The following CEP63 variants were observed in gnomAD, a reference collection of about 807,000 sequenced individuals.
CEP63 encodes the protein centrosomal protein 63, also known as centrosomal protein of 63 kDa.
In CEP63, 84 loss-of-function variants were observed where a neutral mutation model predicts 89.1. That is an observed-to-expected ratio of 0.94 (90% CI 0.79 to 1.13). The LOEUF (loss-of-function observed/expected upper bound fraction) is 1.13, where lower values mean the gene tolerates loss of function less well. Among genes scored for constraint, CEP63 ranks in the 50% most tolerant of loss-of-function variants. The pLI, the probability that CEP63 is intolerant of heterozygous loss-of-function variation, is 0.00. For synonymous variants in CEP63, 267 were observed against 272.5 expected (o/e 0.98, Z 0.20); for missense variants, 838 against 813.3 (o/e 1.03, Z -0.37).
chr3:134,606,280 G>A, the CEP63 span, among the ~76,000 whole-genome samples: 1 of 152,090 alleles, frequency 6.6e-6, no homozygotes, highest in Non-Finnish European at 1.5e-5. Flanking sequence ...CTTTGAAAAC[G>A]TCCACCTGGC....
the CEP63 span, among the ~76,000 whole-genome samples, chr3:134,602,581 G>A: frequency 2.6e-5 from 4 of 152,272 alleles, no homozygotes; most frequent in Admixed American, 6.5e-5. Context: ...CGGCATTGCC[G>A]CACTGCACTA....
intron 1 of CEP63, among the ~76,000 whole-genome samples, chr3:134,489,733 G>C (rs1045965121): frequency 4.6e-5 from 7 of 152,102 alleles, no homozygotes; most frequent in Non-Finnish European, 8.8e-5. Context: ...TACAGGAAAG[G>C]CAAGAAAAAT....
chr3:134,524,355 T>C (rs1948182459), intron 3 of CEP63, among the ~76,000 whole-genome samples: 1 of 152,232 alleles, frequency 6.6e-6, no homozygotes, highest in Non-Finnish European at 1.5e-5. Context: ...ACTTCCTCTC[T>C]TCCTATTTGG....
the CEP63 span, among the ~76,000 whole-genome samples, chr3:134,767,101 C>G: frequency 6.6e-6 from 1 of 152,192 alleles, no homozygotes; most frequent in Non-Finnish European, 1.5e-5. Flanking sequence ...TTGGCTTCAT[C>G]TTGCTACCTG....
At chr3:134,486,637 C>T (rs1005724079) in intron 1 of CEP63, 9 of 748,722 alleles carry the variant, frequency 1.2e-5, no homozygotes, top group Non-Finnish European at 1.3e-5. Flanking sequence ...CCAGTGCGGC[C>T]TCCCTGCCAG....
At position 134,537,139 on chromosome 3, in the gene CEP63, C is replaced by G. The variant is rs765578373; in HGVS notation, c.442-16C>G. On this transcript the variant is annotated splice_polypyrimidine_tract_variant and intron_variant, in intron 5 of 14. Coordinates refer to ENST00000675561, the MANE Select transcript of CEP63 (RefSeq NM_001353108.3). ...GAGAAGCACTCAGAAATTAAGTACT[C>G]TAATTGCCTCCTCAGGAATTCCGTC... is the stretch of plus-strand genomic sequence containing the variant. 7 of 1,532,890 alleles carry G rather than the reference C, an allele frequency of 4.6e-6. No individual in the cohort carries two copies. The highest frequency in any genetic ancestry group is 4.5e-5 in the South Asian group (4 of 89,316). 95.0% of individuals were successfully genotyped at this position (1,532,890 alleles called of 1,614,324 possible). A position where few individuals can be genotyped will look rare whatever the true frequency, so the allele number is the denominator to read the frequency against.
At chr3:134,741,458 C>T in the CEP63 span, among the ~76,000 whole-genome samples, 2 of 152,142 alleles carry the variant, frequency 1.3e-5, no homozygotes, top group Non-Finnish European at 1.5e-5. Flanking sequence ...CCCTCACACA[C>T]CTGTGCACAG....
At chr3:134,608,478 G>A in the CEP63 span, 1 of 1,535,548 alleles carries the variant, frequency 6.5e-7, no homozygotes. Flanking sequence ...GGCCTGGGCT[G>A]CCTCAGCAGC....
rs377529686 is a variant in CEP63 at position 134,561,952 on chromosome 3, C to T, written c.*417C>T. ...ATTTAGGGGTCAAACATACCTGGAT[C>T]GATAGACTGGTTTTGCCACTTACCA... On this transcript the variant is annotated 3_prime_UTR_variant, in exon 15 of 15. Coordinates refer to ENST00000675561, the MANE Select transcript of CEP63 (RefSeq NM_001353108.3). 269 of 1,019,892 alleles carry T rather than the reference C, an allele frequency of 2.6e-4. 1 individual carries two copies. The African/African-American group carries it at 4.4e-3, about 17-fold the overall frequency. 63.2% of individuals were successfully genotyped at this position (1,019,892 alleles called of 1,614,324 possible).
the CEP63 span, among the ~76,000 whole-genome samples, chr3:134,682,652 C>G: frequency 6.6e-6 from 1 of 152,182 alleles, no homozygotes; most frequent in African/African-American, 2.4e-5. Flanking sequence ...AACCATTCAG[C>G]CTGCATTGAG....
chr3:134,504,241 A>G (rs1337610919), intron 2 of CEP63, among the ~76,000 whole-genome samples: 1 of 106,342 alleles, frequency 9.4e-6, no homozygotes, highest in Non-Finnish European at 2.1e-5. Flanking sequence ...CTCATGATGT[A>G]GGAATCCCAT....
downstream of CEP63, among the ~76,000 whole-genome samples, chr3:134,567,119 C>T (rs1957800545): frequency 6.8e-6 from 1 of 146,736 alleles, no homozygotes; most frequent in Admixed American, 6.9e-5. Context: ...ACTGATGCCA[C>T]AGCATGGATG....
the CEP63 span, among the ~76,000 whole-genome samples, chr3:134,634,488 T>G: frequency 6.6e-6 from 1 of 152,062 alleles, no homozygotes. Context: ...ACAATTCAGT[T>G]GGAAAAAGGG....
chr3:134,675,303 C>T, the CEP63 span, among the ~76,000 whole-genome samples: 5 of 152,174 alleles, frequency 3.3e-5, no homozygotes, highest in African/African-American at 4.8e-5. Context: ...TTTCAACAGA[C>T]GATTCTGAGA....
At chr3:134,644,577 T>G in the CEP63 span, among the ~76,000 whole-genome samples, 1 of 152,230 alleles carries the variant, frequency 6.6e-6, no homozygotes, top group South Asian at 2.1e-4. Context: ...AGCTTCCTGC[T>G]GGCTTGCAGT....
At chr3:134,565,935 G>A (rs1957739959), downstream of CEP63, among the ~76,000 whole-genome samples, 1 of 152,174 alleles carries the variant, frequency 6.6e-6, no homozygotes, top group Non-Finnish European at 1.5e-5. Context: ...ATGCTTCACT[G>A]TGGGTTGATG....
At chr3:134,712,940 T>G in the CEP63 span, among the ~76,000 whole-genome samples, 1 of 152,234 alleles carries the variant, frequency 6.6e-6, no homozygotes, top group East Asian at 1.9e-4. Context: ...ACTGGTTCCC[T>G]TGGACTGTTC....
chr3:134,758,781 G>A, the CEP63 span, among the ~76,000 whole-genome samples: 1 of 152,082 alleles, frequency 6.6e-6, no homozygotes. Flanking sequence ...ATCTGTGGGT[G>A]TCCAGAATTC....
chr3:134,589,695 C>A (rs1349372779), downstream of CEP63, among the ~76,000 whole-genome samples: 1 of 151,976 alleles, frequency 6.6e-6, no homozygotes, highest in Admixed American at 6.6e-5. Context: ...TTGGTGATTT[C>A]TCAAAGAACT....
Sources: gnomAD v4.1 joint callset for allele counts (sites outside exome capture counted in the v4.1 genomes callset) on GRCh38, gnomAD v4.1.1 for gene constraint, MANE v1.5 for transcripts, NCBI Gene and HGNC (gene_info 2026-07-23, HGNC 2026-07-21) for gene names.